Variants in PXDN observed in about 807,000 individuals in gnomAD.
PXDN encodes the protein peroxidasin homolog.
Under a neutral mutation model 140.3 loss-of-function variants are expected in PXDN, and 77 were observed. The observed-to-expected ratio is 0.55, with a 90% CI of 0.46 to 0.66. PXDN has a LOEUF of 0.66. Among genes scored for constraint, PXDN ranks in the 30% least tolerant of loss-of-function variants. PXDN has a pLI of 0.00. For missense variants in PXDN, 1,838 were observed against 2,039.5 expected, an observed-to-expected ratio of 0.90 and a Z score of 1.90; for synonymous variants, 911 against 857.4, an observed-to-expected ratio of 1.06 and a Z score of -1.09.
intron 1 of PXDN, among the ~76,000 whole-genome samples, chr2:1,718,709 C>T (rs550611917): frequency 1.9e-4 from 29 of 152,384 alleles, no homozygotes; most frequent in African/African-American, 7.0e-4. Flanking sequence ...GCGGGCAGGG[C>T]GTGTGTGGTC....
intron 1 of PXDN, among the ~76,000 whole-genome samples, chr2:1,726,847 T>C (rs1029508214): frequency 3.9e-5 from 6 of 152,218 alleles, no homozygotes; most frequent in Middle Eastern, 3.2e-3. Flanking sequence ...TTTCCGTTTT[T>C]ATTGTCCGTA....
rs377376136 is a variant in PXDN, at chr2:1,714,173, C to G, written c.201-21039G>C. ...CCAGGATACTGTTTTTTTCAACTAC[C>G]TCATTTATTGCTCTTACATCTGCAC... On this transcript the variant is annotated intron_variant, in intron 1 of 22. Coordinates refer to ENST00000252804, the MANE Select transcript of PXDN (RefSeq NM_012293.3). This position sits in a 1 kb window ranked among gnomAD's most constrained non-coding sequence, Gnocchi z 4.3. Among the ~76,000 whole-genome samples the G allele has an allele frequency of 6.6e-6, 1 of 152,176 alleles. No homozygotes were observed. Among genetic ancestry groups the G allele is most frequent in the Non-Finnish European group, 1.5e-5 (1 of 68,028 alleles).
At position 1,679,824 on chromosome 2, in the gene PXDN, G is replaced by A. The variant is rs372372934; in HGVS notation, c.730+369C>T. On this transcript the variant is annotated intron_variant, in intron 7 of 22. Transcript: ENST00000252804. The stretch of plus-strand genomic sequence containing the variant: ...TGTAAATGGTGTGTGTGTAAATGGT[G>A]TGTGTGTGGATGGTGTGTGTGTGTA... 3.7e-3 allele frequency among the ~76,000 whole-genome samples: 426 copies of A among 115,056 alleles called. 4 individuals are homozygous for A. Among genetic ancestry groups the A allele is most frequent in the African/African-American group, 0.011 (408 of 36,988 alleles). 75.5% of individuals were successfully genotyped at this position (115,056 alleles called of 152,430 possible). A position where few individuals can be genotyped will look rare whatever the true frequency, so the allele number is the denominator to read the frequency against.
At chr2:1,744,553 G>A (rs1395176557), upstream of PXDN, 4 of 1,001,994 alleles carry the variant, frequency 4.0e-6, no homozygotes, top group Non-Finnish European at 3.8e-6. Flanking sequence ...GCTGTGCGCG[G>A]GGGGCGGGGG....
At chr2:1,678,775 T>C (rs1683791386) in intron 7 of PXDN, among the ~76,000 whole-genome samples, 1 of 152,206 alleles carries the variant, frequency 6.6e-6, no homozygotes, top group Admixed American at 6.5e-5. Flanking sequence ...GAGGGCCGTT[T>C]CTGGGAGCTG....
intron 1 of PXDN, among the ~76,000 whole-genome samples, chr2:1,730,804 T>C (rs1368854030): frequency 6.6e-6 from 1 of 152,034 alleles, no homozygotes; most frequent in Non-Finnish European, 1.5e-5. Flanking sequence ...GTTAAGCAAC[T>C]AGATTACAAG....
At chr2:1,684,038 G>T in intron 5 of PXDN, 42 bp downstream of exon 5, 2 of 1,518,752 alleles carry the variant, frequency 1.3e-6, no homozygotes, top group East Asian at 2.4e-5. Flanking sequence ...ACTGAGGCTT[G>T]GGCTCTGTGA....
At chr2:1,674,997 C>G (rs550415992) in intron 8 of PXDN, among the ~76,000 whole-genome samples, 1 of 152,184 alleles carries the variant, frequency 6.6e-6, no homozygotes, top group Non-Finnish European at 1.5e-5. Context: ...GCCAAACCGT[C>G]GGGAACACTC....
chr2:1,666,332 G>A lies in PXDN; in HGVS notation c.1173C>T (p.Ile391=). Residue 391 remains isoleucine, a synonymous_variant, in exon 10 of 23, where the codon ATC becomes ATT. Transcript: ENST00000252804. ...TPLPVDPRVN[I]TPSGGLYIQN... is the part of the protein sequence containing the mutation. The stretch of plus-strand genomic sequence containing the variant: ...GTATGTAAAGCCCGCCAGAAGGCGT[G>A]ATGTTCACCCGCGGGTCAACTGGCA... The A allele has an allele frequency of 6.2e-7, 1 of 1,614,078 alleles. No homozygotes were observed. Among genetic ancestry groups the A allele is most frequent in the Non-Finnish European group, 8.5e-7 (1 of 1,179,910 alleles).
chr2:1,731,358 G>A (rs555567320), intron 1 of PXDN, among the ~76,000 whole-genome samples: 5 of 151,562 alleles, frequency 3.3e-5, no homozygotes, highest in South Asian at 4.2e-4. Context: ...GCTGACCTCC[G>A]CATCCCAGCA....
intron 1 of PXDN, among the ~76,000 whole-genome samples, chr2:1,701,219 A>G (rs915076465): frequency 6.6e-6 from 1 of 152,166 alleles, no homozygotes; most frequent in African/African-American, 2.4e-5. Flanking sequence ...CTGAAGCAAC[A>G]CTCAGAGCTT....
Position 1,635,417 on chromosome 2 carries a change from A to C in PXDN, c.4311T>G (p.Cys1437Trp). The C allele has an allele frequency of 1.3e-6, 2 of 1,586,384 alleles. No individual in the cohort carries two copies. Residue 1437 changes from cysteine to tryptophan, a missense_variant, in exon 22 of 23, where the codon TGT (cysteine) becomes TGG (tryptophan). By Grantham distance (215) the Cys-to-Trp change is radical. Transcript: ENST00000252804. ...TKWKKDACTI[C>W]ECKDGQVTCF... ...AGCCCCCCATACTCACTTTGCATTC[A>C]CAAATGGTGCATGCATCTTTTTTCC...
At chr2:1,656,053 C>T (rs551110396) in intron 14 of PXDN, among the ~76,000 whole-genome samples, 11 of 151,648 alleles carry the variant, frequency 7.3e-5, no homozygotes, top group Admixed American at 7.2e-4. Flanking sequence ...CCATAGCATA[C>T]CACACATACT....
At chr2:1,727,884 C>G (rs1685225833) in intron 1 of PXDN, among the ~76,000 whole-genome samples, 2 of 152,216 alleles carry the variant, frequency 1.3e-5, no homozygotes, top group African/African-American at 4.8e-5. Flanking sequence ...TTAAGGACTG[C>G]TAAACTGTTC....
intron 1 of PXDN, among the ~76,000 whole-genome samples, chr2:1,722,399 T>C (rs1685073074): frequency 6.6e-6 from 1 of 152,180 alleles, no homozygotes; most frequent in Admixed American, 6.5e-5. Context: ...AACAGGAGAA[T>C]CTCAACGCAG....
Position 1,651,858 on chromosome 2 carries a change from AG to A in PXDN, c.2104+1769del, listed in dbSNP as rs1407879894. On this transcript the variant is annotated intron_variant, in intron 16 of 22. Transcript: ENST00000252804. The surrounding 1 kb of genome is among the most constrained non-coding windows in gnomAD (Gnocchi z 4.4). ...GGTTTTCCATCTGCATTTCTCTGGA[AG>A]GTCTGATCTTTGAGGGCAGAGGTTT... Among the ~76,000 whole-genome samples the A allele has an allele frequency of 6.6e-6, 1 of 152,152 alleles. No homozygotes were observed. Among genetic ancestry groups the A allele is most frequent in the East Asian group, 1.9e-4 (1 of 5,180 alleles).
chr2:1,633,255 C>A lies in PXDN; in HGVS notation c.*949G>T, dbSNP rs1288480154. The A allele has an allele frequency of 6.7e-6, 1 of 150,338 alleles. No individual in the cohort carries two copies. The highest frequency in any genetic ancestry group is 2.4e-5 in the African/African-American group (1 of 40,850). 9.3% of individuals were successfully genotyped at this position (150,338 alleles called of 1,614,324 possible). A position where few individuals can be genotyped will look rare whatever the true frequency, so the allele number is the denominator to read the frequency against. On this transcript the variant is annotated 3_prime_UTR_variant, in exon 23 of 23. Transcript: ENST00000252804. ...CTCCTCCTCCCTTGGGAAGAGCCAT[C>A]CGGAAGCGGCTCTTGTTCAGGACGT...
At chr2:1,701,314 G>A (rs551796982) in intron 1 of PXDN, among the ~76,000 whole-genome samples, 27 of 152,342 alleles carry the variant, frequency 1.8e-4, no homozygotes, top group African/African-American at 6.0e-4. Flanking sequence ...GAAGTCTCAC[G>A]TGGCCCACTG....
At chr2:1,665,255 AGGATG>A (rs1683408536) in intron 10 of PXDN, among the ~76,000 whole-genome samples, 181 bp from the exon 11 acceptor site, 1 of 152,178 alleles carries the variant, frequency 6.6e-6, no homozygotes, top group Non-Finnish European at 1.5e-5. Flanking sequence ...AAGAAGATGA[AGGATG>A]GGTGTGTTCT....
Sources: gnomAD v4.1 joint callset for allele counts (sites outside exome capture counted in the v4.1 genomes callset) on GRCh38, gnomAD v4.1.1 for gene constraint, Gnocchi (gnomAD v3.1) non-coding constraint, MANE v1.5 for transcripts, NCBI Gene and HGNC (gene_info 2026-07-23, HGNC 2026-07-21) for gene names.